Variants in AIRE observed in about 807,000 individuals in gnomAD.
The protein encoded by AIRE is autoimmune regulator.
AIRE carries 52 observed loss-of-function variants against 62.1 expected under a neutral mutation model. That is an observed-to-expected ratio of 0.84 (90% CI 0.67 to 1.06). The LOEUF (loss-of-function observed/expected upper bound fraction) is 1.06, where lower values mean the gene tolerates loss of function less well. AIRE is among the 50% of genes least tolerant of loss of function. The pLI is 0.00. For synonymous variants in AIRE, 342 were observed against 321.6 expected, an observed-to-expected ratio of 1.06 and a Z score of -0.68; for missense variants, 774 against 755.8, an observed-to-expected ratio of 1.02 and a Z score of -0.28.
chr21:44,292,320 C>T lies in AIRE; in HGVS notation c.1014C>T (p.Ser338=), dbSNP rs746054293. ...REIPSGTWRC[S]SCLQATVQEV... is the part of the protein sequence containing the mutation. The stretch of plus-strand genomic sequence containing the variant: ...CGAGCAGTGGGACCTGGAGGTGCTC[C>T]AGCTGCCTGCAGGCAACAGTCCAGG... The change falls in exon 9 of 14, where the codon TCC becomes TCT. Residue 338 remains serine (S), a synonymous_variant. Transcript: ENST00000291582. 1 of 1,576,094 alleles carries T rather than the reference C, an allele frequency of 6.3e-7. No homozygotes were observed. Among genetic ancestry groups the T allele is most frequent in the Non-Finnish European group, 8.6e-7 (1 of 1,161,352 alleles).
rs2040626983 is a variant in AIRE, at chr21:44,297,781, T to C, written c.*54T>C. On this transcript the variant is annotated 3_prime_UTR_variant, in exon 14 of 14. Transcript: ENST00000291582. This position sits in a 1 kb window ranked among gnomAD's most constrained non-coding sequence, Gnocchi z 4.8. Reference sequence around the variant, plus strand: ...ATGAGAGAGTGCTGAGAAGGACACCTCCTTCCTCAGTCCTGGAAGCCGGCC... The same window carrying C: ...ATGAGAGAGTGCTGAGAAGGACACCCCCTTCCTCAGTCCTGGAAGCCGGCC... 2.6e-6 allele frequency: 4 copies of C among 1,541,352 alleles called. No individual in the cohort carries two copies. In the South Asian group the frequency reaches 3.4e-5, roughly 13 times the overall value.
chr21:44,293,878 C>G lies in AIRE; in HGVS notation c.1368C>G (p.Arg456=). 6.3e-7 allele frequency: 1 copy of G among 1,596,736 alleles called. No individual in the cohort carries two copies. The highest frequency in any genetic ancestry group is 8.5e-7 in the Non-Finnish European group (1 of 1,179,532). The stretch of plus-strand genomic sequence containing the variant: ...ACTGCGCCGCTGCCTTCCACTGGCG[C>G]TGCCACTTCCCAGCCGGCACCTCCC... ...CTHCAAAFHW[R]CHFPAGTSRP... The change falls in exon 11 of 14, where the codon CGC becomes CGG. Residue 456 remains arginine (R), a synonymous_variant. Transcript: ENST00000291582.
Position 44,288,462 on chromosome 21 carries a change from G to A in AIRE, c.652+4G>A. The A allele has an allele frequency of 6.3e-7, 1 of 1,589,494 alleles. No homozygotes were observed. The highest frequency in any genetic ancestry group is 8.6e-7 in the Non-Finnish European group (1 of 1,158,568). ...ATCCAGCAGGTGTTTGAGTCAGGTA[G>A]ACGCTGTGGCGGGGAGATGGGGCTG... On this transcript the variant is annotated splice_donor_region_variant and intron_variant, in intron 5 of 13. Coordinates refer to ENST00000291582, the MANE Select transcript of AIRE (RefSeq NM_000383.4).
chr21:44,286,203 G>C lies in AIRE; in HGVS notation c.132+65G>C. ...TGAGCCAGGGATAGTCCCCGGGGAA[G>C]TTCCAGGAGGACCCCGCCCCTCCAG... On this transcript the variant is annotated intron_variant, in intron 1 of 13. Transcript: ENST00000291582. This position sits in a 1 kb window ranked among gnomAD's most constrained non-coding sequence, Gnocchi z 6.0. The C allele has an allele frequency of 6.9e-7, 1 of 1,441,274 alleles. No individual in the cohort carries two copies. Among genetic ancestry groups the C allele is most frequent in the South Asian group, 1.2e-5 (1 of 81,124 alleles). The allele number at this position is 1,441,274 out of a possible 1,614,324, so 89.3% of individuals were successfully genotyped here. A position where few individuals can be genotyped will look rare whatever the true frequency, so the allele number is the denominator to read the frequency against.
rs2146389492 is a variant in AIRE at position 44,297,353 on chromosome 21, G to A, written c.1567-303G>A. On this transcript the variant is annotated intron_variant, in intron 13 of 13. Coordinates refer to ENST00000291582, the MANE Select transcript of AIRE (RefSeq NM_000383.4). This position sits in a 1 kb window ranked among gnomAD's most constrained non-coding sequence, Gnocchi z 4.8. ...CCACCCGAGGAGGCAGAACTGCCATGAACTGCCATGGGGATGTGCCCTGGG... is the reference window on the plus strand; with the variant it reads ...CCACCCGAGGAGGCAGAACTGCCATAAACTGCCATGGGGATGTGCCCTGGG... Among the ~76,000 whole-genome samples, 1 of 148,844 alleles carries A rather than the reference G, an allele frequency of 6.7e-6. No individual in the cohort carries two copies. Among genetic ancestry groups the A allele is most frequent in the South Asian group, 2.1e-4 (1 of 4,770 alleles).
chr21:44,297,731 C>T lies in AIRE; in HGVS notation c.*4C>T. The T allele has an allele frequency of 6.2e-7, 1 of 1,609,606 alleles. No homozygotes were observed. Among genetic ancestry groups the T allele is most frequent in the Non-Finnish European group, 8.5e-7 (1 of 1,177,292 alleles). On this transcript the variant is annotated 3_prime_UTR_variant, in exon 14 of 14. Coordinates refer to ENST00000291582, the MANE Select transcript of AIRE (RefSeq NM_000383.4). This position sits in a 1 kb window ranked among gnomAD's most constrained non-coding sequence, Gnocchi z 4.8. ...GGCGGCCCCCTTCCCCTCCTGACCC[C>T]AGATGGCCGGGACATGCAGCTCTGA...
chr21:44,290,092 G>A, intron 7 of AIRE, 24 bp downstream of exon 7: 2 of 1,604,726 alleles, frequency 1.2e-6, no homozygotes, highest in East Asian at 2.2e-5. Context: ...CCACAGGAGA[G>A]GCCCCTGTCT....
At chr21:44,294,187 C>T (rs1301797048) in intron 11 of AIRE, among the ~76,000 whole-genome samples, 1 of 122,066 alleles carries the variant, frequency 8.2e-6, no homozygotes, top group Non-Finnish European at 1.7e-5. Context: ...ACCCCACACT[C>T]CCACCCACAC....
intron 10 of AIRE, 101 bp from the exon 11 acceptor site, chr21:44,293,688 A>T (rs2040569300): frequency 6.4e-7 from 1 of 1,550,452 alleles, no homozygotes; most frequent in African/African-American, 1.4e-5. Flanking sequence ...CCCGCCGTCC[A>T]GCCCTGGGTG....
rs1049964566 is a variant in AIRE at position 44,290,564 on chromosome 21, G to A, written c.879+496G>A. The A allele has an allele frequency of 3.3e-5, 24 of 735,324 alleles. No homozygotes were observed. The South Asian group carries it at 9.8e-4, about 30-fold the overall frequency. The allele number at this position is 735,324 out of a possible 1,614,324, so 45.5% of individuals were successfully genotyped here. A position where few individuals can be genotyped will look rare whatever the true frequency, so the allele number is the denominator to read the frequency against. Reference sequence around the variant, plus strand: ...CCAGTCCTGCCCTGCAGGAGCACCCGGGCTGGTGGGCGTCTGGGGGATTGT... The same window carrying A: ...CCAGTCCTGCCCTGCAGGAGCACCCAGGCTGGTGGGCGTCTGGGGGATTGT... On this transcript the variant is annotated intron_variant, in intron 7 of 13. Transcript: ENST00000291582.
In AIRE at chr21:44,297,596, T is replaced by A; in HGVS notation, c.1567-60T>A. On this transcript the variant is annotated intron_variant, in intron 13 of 13. Coordinates refer to ENST00000291582, the MANE Select transcript of AIRE (RefSeq NM_000383.4). This position sits in a 1 kb window ranked among gnomAD's most constrained non-coding sequence, Gnocchi z 4.8. ...TGGTGACTTCTTGTAACGATGGCCA[T>A]GATTCTGTGGCTGCGGCGGGGGCGC... The A allele has an allele frequency of 2.1e-6, 3 of 1,451,426 alleles. No individual in the cohort carries two copies. The highest frequency in any genetic ancestry group is 2.9e-6 in the Non-Finnish European group (3 of 1,036,216). 89.9% of individuals were successfully genotyped at this position (1,451,426 alleles called of 1,614,324 possible). A position where few individuals can be genotyped will look rare whatever the true frequency, so the allele number is the denominator to read the frequency against.
Position 44,291,075 on chromosome 21 carries a change from G to GCGTCT in AIRE, c.880-18_880-14dup. Reference sequence around the variant, plus strand: ...CTGCACCCCAGCCCAGTCTGCATGGGCGTCTCTTGCCTGTGCCAGAAGAAT... The same window carrying GCGTCT: ...CTGCACCCCAGCCCAGTCTGCATGGGCGTCTCGTCTCTTGCCTGTGCCAGAAGAAT... On this transcript the variant is annotated intron_variant, in intron 7 of 13. Transcript: ENST00000291582. 6.2e-7 allele frequency: 1 copy of GCGTCT among 1,613,304 alleles called. No homozygotes were observed. The highest frequency in any genetic ancestry group is 8.5e-7 in the Non-Finnish European group (1 of 1,179,850).
chr21:44,296,301 G>A (rs2040606314), intron 12 of AIRE, 82 bp from the exon 13 acceptor site: 7 of 1,261,458 alleles, frequency 5.5e-6, no homozygotes, highest in South Asian at 2.4e-5. Flanking sequence ...AAACACCCCC[G>A]CGGCCCCTAG....
Position 44,287,282 on chromosome 21 carries a change from C to T in AIRE, c.463+149C>T. 2.1e-6 allele frequency: 2 copies of T among 955,752 alleles called. No individual in the cohort carries two copies. Among genetic ancestry groups the T allele is most frequent in the Non-Finnish European group, 3.1e-6 (2 of 640,960 alleles). The allele number at this position is 955,752 out of a possible 1,614,324, so 59.2% of individuals were successfully genotyped here. On this transcript the variant is annotated intron_variant, in intron 3 of 13. Transcript: ENST00000291582. This position sits in a 1 kb window ranked among gnomAD's most constrained non-coding sequence, Gnocchi z 4.3. ...TGGGGGTCTCCTCTGGGTACTAGAC[C>T]CACACACTGGACCAGCCTCTCAGCT...
chr21:44,291,787 C>T (rs2040543040), intron 8 of AIRE, among the ~76,000 whole-genome samples: 1 of 152,184 alleles, frequency 6.6e-6, no homozygotes, highest in Non-Finnish European at 1.5e-5. Flanking sequence ...TGGGGACCCA[C>T]GTTCAGGCGA....
At position 44,292,839 on chromosome 21, in the gene AIRE, G is replaced by A. The variant is rs546303706; in HGVS notation, c.1096-154G>A. On this transcript the variant is annotated intron_variant, in intron 9 of 13. Coordinates refer to ENST00000291582, the MANE Select transcript of AIRE (RefSeq NM_000383.4). The stretch of plus-strand genomic sequence containing the variant: ...GCCACAGCCTTTCCCACTCAGTGTG[G>A]ACGCCTTCCACCATGCCAGCCCTCC... Among the ~76,000 whole-genome samples the A allele has an allele frequency of 1.8e-3, 267 of 150,440 alleles. 1 individual carries two copies. The highest frequency in any genetic ancestry group is 5.0e-3 in the African/African-American group (207 of 41,394).
Position 44,293,160 on chromosome 21 carries a change from T to A in AIRE, c.1263T>A (p.Gly421=), listed in dbSNP as rs1355639942. The change falls in exon 10 of 14, where the codon GGT becomes GGA. Residue 421 remains glycine (G), a synonymous_variant. Transcript: ENST00000291582. ...CCCTGCACCCCCTACTGTGTGTGGG[T>A]CCTGAGGGTCAGCAGGTGAGCGGGG... ...SSALHPLLCV[G]PEGQQNLAPG... 1.3e-6 allele frequency: 2 copies of A among 1,568,558 alleles called. No homozygotes were observed. Among genetic ancestry groups the A allele is most frequent in the Non-Finnish European group, 1.7e-6 (2 of 1,156,230 alleles).
chr21:44,290,899 C>T, intron 7 of AIRE, 196 bp from the exon 8 acceptor site: 1 of 1,610,492 alleles, frequency 6.2e-7, no homozygotes. Context: ...CGGGGGGTGT[C>T]TGTTGGAGAC....
chr21:44,288,531 T>A, intron 5 of AIRE, 73 bp downstream of exon 5: 1 of 1,133,786 alleles, frequency 8.8e-7, no homozygotes. Flanking sequence ...ACCACGCCCC[T>A]TTGCATCCTG....
Sources: allele counts gnomAD v4.1 joint callset (sites outside exome capture counted in the v4.1 genomes callset), GRCh38; gene constraint gnomAD v4.1.1; non-coding constraint Gnocchi (gnomAD v3.1); transcripts MANE v1.5; gene names NCBI Gene and HGNC (gene_info 2026-07-23, HGNC 2026-07-21).